Variants in AP4B1 observed in about 807,000 individuals in gnomAD.
AP4B1 encodes the protein AP-4 complex subunit beta-1.
A neutral mutation model predicts 76.5 loss-of-function variants in AP4B1; 49 were observed. The ratio of observed to expected loss-of-function variants is 0.64; its 90% CI spans 0.51 to 0.81. The LOEUF is 0.81. Ranked by LOEUF, AP4B1 falls within the 40% of genes least tolerant of loss-of-function variation. The probability of loss-of-function intolerance (pLI) is 0.00; values close to 1 mark genes in which losing one functional copy is unlikely to be tolerated. For missense variants in AP4B1, 911 were observed against 904.9 expected (o/e 1.01, Z -0.09); for synonymous variants, 330 against 333.3 (o/e 0.99, Z 0.11).
At chr1:113,901,537 C>T (rs1285828145) in intron 3 of AP4B1, among the ~76,000 whole-genome samples, 154 bp from the exon 4 acceptor site, 1 of 152,122 alleles carries the variant, frequency 6.6e-6, no homozygotes, top group Non-Finnish European at 1.5e-5. Context: ...AAAAAACTGC[C>T]ATGTCCAGAC....
chr1:113,901,991 A>C (rs1326039703), intron 2 of AP4B1, 106 bp from the exon 3 acceptor site: 1 of 1,354,746 alleles, frequency 7.4e-7, no homozygotes, highest in African/African-American at 1.4e-5. Flanking sequence ...CACCCATCAG[A>C]TCATGAAGAA....
chr1:113,898,912 A>G (rs1201438681), intron 5 of AP4B1, 111 bp from the exon 6 acceptor site: 7 of 1,053,738 alleles, frequency 6.6e-6, no homozygotes, highest in Admixed American at 2.5e-5. Flanking sequence ...CTAAAAAAAA[A>G]AAAAAGAAAA....
Position 113,900,117 on chromosome 1 carries a change from G to A in AP4B1, c.901C>T (p.Arg301Cys), listed in dbSNP as rs555486513. 5.0e-5 allele frequency: 81 copies of A among 1,614,194 alleles called. No homozygotes were observed. The South Asian group carries it at 6.1e-4, about 12-fold the overall frequency. Residue 301 changes from arginine to cysteine, a missense_variant, in exon 5 of 10, where the codon CGC (arginine) becomes TGC (cysteine). By Grantham distance (180) the Arg-to-Cys change is radical (BLOSUM62 -3). Coordinates refer to ENST00000369569, the MANE Select transcript of AP4B1 (RefSeq NM_001253852.3). ...CCTGGTAAACTATGCAAGATCTGGC[G>A]TACATGACAAAGAGCAACAAAACAG... Reference protein sequence around the residue: ...ELCFVALCHVRQILHSLPGHF... With the variant: ...ELCFVALCHVCQILHSLPGHF...
chr1:113,901,310 C>T lies in AP4B1; in HGVS notation c.543G>A (p.Arg181=). ...QDPIVVVNCL[R]SLEEILKQEG... The stretch of plus-strand genomic sequence containing the variant: ...CCTGTTTCAGAATTTCCTCTAGAGA[C>T]CTCAAGCAGTTCACAACTACAATTG... The change falls in exon 4 of 10, where the codon AGG becomes AGA. Residue 181 remains arginine, a synonymous_variant. Transcript: ENST00000369569. The T allele has an allele frequency of 1.9e-6, 3 of 1,614,076 alleles. No homozygotes were observed. Among genetic ancestry groups the T allele is most frequent in the Non-Finnish European group, 2.5e-6 (3 of 1,179,992 alleles).
Position 113,904,798 on chromosome 1 carries a change from G to A in AP4B1, c.-81C>T, listed in dbSNP as rs539344790. ...TTCTCGTCCTGATGTGGGAGCCTGA[G>A]TAAAGGAAATATGAGTCAGTGAAAA... is the stretch of plus-strand genomic sequence containing the variant. On this transcript the variant is annotated 5_prime_UTR_variant, in exon 1 of 10. Coordinates refer to ENST00000369569, the MANE Select transcript of AP4B1 (RefSeq NM_001253852.3). The A allele has an allele frequency of 1.7e-4, 205 of 1,204,396 alleles. 1 individual carries two copies. In the African/African-American group the frequency reaches 2.7e-3, roughly 16 times the overall value. The allele number at this position is 1,204,396 out of a possible 1,614,324, so 74.6% of individuals were successfully genotyped here.
chr1:113,904,647 G>C lies in AP4B1; in HGVS notation c.71C>G (p.Ala24Gly), dbSNP rs1253444838. 1.2e-6 allele frequency: 2 copies of C among 1,613,544 alleles called. No individual in the cohort carries two copies. Among genetic ancestry groups the C allele is most frequent in the East Asian group, 2.2e-5 (1 of 44,886 alleles). ...KKALCNPHIQ[A>G]DRLRYRNVIQ... ...GACATTCCGGTAGCGCAGCCTATCA[G>C]CTTGAATGTGAGGATTGCACAGAGC... The change falls in exon 1 of 10, where the codon GCT becomes GGT. Residue 24 changes from alanine to glycine, a missense_variant. Coordinates refer to ENST00000369569, the MANE Select transcript of AP4B1 (RefSeq NM_001253852.3).
At chr1:113,904,373 C>T (rs1406982899) in intron 1 of AP4B1, among the ~76,000 whole-genome samples, 1 of 152,170 alleles carries the variant, frequency 6.6e-6, no homozygotes, top group African/African-American at 2.4e-5. Context: ...ATTATAGATC[C>T]AAGAGTCACC....
chr1:113,895,163 T>A lies in AP4B1; in HGVS notation c.2122A>T (p.Ile708Phe). 1 of 1,614,206 alleles carries A rather than the reference T, an allele frequency of 6.2e-7. No homozygotes were observed. Among genetic ancestry groups the A allele is most frequent in the Non-Finnish European group, 8.5e-7 (1 of 1,180,034 alleles). The change falls in exon 10 of 10, where the codon ATC becomes TTC. Residue 708 changes from isoleucine to phenylalanine, a missense_variant. By Grantham distance (21) the Ile-to-Phe change is conservative. Transcript: ENST00000369569. ...LLEPGNSEMQ[I>F]SVKQNEARTE... ...CTTGCTTCATTTTGTTTCACAGAGA[T>A]CTGCATTTCTGAGTTTCCAGGCTCC...
At chr1:113,899,199 C>G in intron 5 of AP4B1, 1 of 1,037,438 alleles carries the variant, frequency 9.6e-7, no homozygotes, top group Non-Finnish European at 1.2e-6. Flanking sequence ...TTTGCTCCCT[C>G]TTCTCTGCCC....
chr1:113,902,627 A>T lies in AP4B1; in HGVS notation c.338+11T>A, dbSNP rs1371148152. 2 of 1,611,686 alleles carry T rather than the reference A, an allele frequency of 1.2e-6. No homozygotes were observed. Among genetic ancestry groups the T allele is most frequent in the Non-Finnish European group, 1.7e-6 (2 of 1,179,220 alleles). ...AGCCATTTAGGACCAGACAGAGAAG[A>T]GGGTACTCACCTGAGGCTACACATG... is the stretch of plus-strand genomic sequence containing the variant. On this transcript the variant is annotated intron_variant, in intron 2 of 9. Transcript: ENST00000369569.
intron 3 of AP4B1, 55 bp from the exon 4 acceptor site, chr1:113,901,438 G>A (rs1026440726): frequency 6.4e-7 from 1 of 1,573,844 alleles, no homozygotes; most frequent in Non-Finnish European, 8.7e-7. Context: ...GAGTAACAAG[G>A]ATGTAGCCAG....
chr1:113,903,726 A>C (rs1668603597), intron 1 of AP4B1, among the ~76,000 whole-genome samples: 1 of 152,170 alleles, frequency 6.6e-6, no homozygotes, highest in Non-Finnish European at 1.5e-5. Context: ...AGCAGCACAC[A>C]TTTTTTTAAG....
At position 113,898,810 on chromosome 1, in the gene AP4B1, G is replaced by A. The variant is rs375388341; in HGVS notation, c.1115-9C>T. 2 of 1,603,056 alleles carry A rather than the reference G, an allele frequency of 1.2e-6. No homozygotes were observed. Among genetic ancestry groups the A allele is most frequent in the Non-Finnish European group, 8.5e-7 (1 of 1,177,710 alleles). On this transcript the variant is annotated splice_polypyrimidine_tract_variant and intron_variant, in intron 5 of 9. Coordinates refer to ENST00000369569, the MANE Select transcript of AP4B1 (RefSeq NM_001253852.3). The stretch of plus-strand genomic sequence containing the variant: ...AGTCCTGGCAATGCCACCTACAAAA[G>A]AAGGGAAAGCAGAGAAAACTGCTAA...
Position 113,895,291 on chromosome 1 carries a change from T to G in AP4B1, c.1994A>C (p.Asn665Thr). The change falls in exon 10 of 10, where the codon AAC (asparagine) becomes ACC (threonine). Residue 665 changes from asparagine (N) to threonine (T), a missense_variant. Asn to Thr is a moderately conservative substitution (Grantham distance 65, BLOSUM62 0). Transcript: ENST00000369569. ...DTLQMALQVV[N>T]IQTIAMSRAG... ...CCTACTCATTGCGATGGTCTGGATG[T>G]TCACTACTTGAAGAGCCATCTGGAG... 1.2e-6 allele frequency: 2 copies of G among 1,614,212 alleles called. No individual in the cohort carries two copies. The highest frequency in any genetic ancestry group is 1.7e-6 in the Non-Finnish European group (2 of 1,180,034).
intron 1 of AP4B1, 58 bp downstream of exon 1, chr1:113,904,547 G>C (rs1668727793): frequency 2.0e-6 from 3 of 1,503,106 alleles, no homozygotes; most frequent in Non-Finnish European, 1.9e-6. Flanking sequence ...TGGGGCTAGT[G>C]AGCCCTGATG....
At chr1:113,900,944 C>A (rs1353196934) in intron 4 of AP4B1, 3 of 382,358 alleles carry the variant, frequency 7.8e-6, no homozygotes, top group African/African-American at 6.2e-5. Context: ...CCTGTCTCTA[C>A]TAAAAATACA....
At chr1:113,902,015 C>T in intron 2 of AP4B1, 130 bp from the exon 3 acceptor site, 1 of 1,205,282 alleles carries the variant, frequency 8.3e-7, no homozygotes, top group Non-Finnish European at 1.2e-6. Context: ...CAGAAAGCCT[C>T]TATCAAGCTT....
At chr1:113,901,436 A>G (rs2101035892) in intron 3 of AP4B1, 53 bp from the exon 4 acceptor site, 1 of 1,583,440 alleles carries the variant, frequency 6.3e-7, no homozygotes, top group Non-Finnish European at 8.7e-7. Flanking sequence ...CAGAGTAACA[A>G]GGATGTAGCC....
At chr1:113,896,141 C>T in intron 8 of AP4B1, 103 bp from the exon 9 acceptor site, 3 of 1,595,716 alleles carry the variant, frequency 1.9e-6, no homozygotes, top group East Asian at 2.2e-5. Context: ...AGAGGAAAAC[C>T]TAGGAAGCAT....
Sources: gnomAD v4.1 joint callset for allele counts (sites outside exome capture counted in the v4.1 genomes callset) on GRCh38, gnomAD v4.1.1 for gene constraint, MANE v1.5 for transcripts, NCBI Gene and HGNC (gene_info 2026-07-23, HGNC 2026-07-21) for gene names.